Variants in ZRANB3 observed in about 807,000 individuals in gnomAD.
ZRANB3 encodes zinc finger RANBP2-type containing 3, also known as DNA annealing helicase and endonuclease ZRANB3.
A neutral mutation model predicts 133.8 loss-of-function variants in ZRANB3; 125 were observed. The ratio of observed to expected loss-of-function variants is 0.93; its 90% CI spans 0.81 to 1.08. The LOEUF is 1.08. ZRANB3 is among the 50% of genes least tolerant of loss of function. The pLI is 0.00. For synonymous variants in ZRANB3, 387 were observed against 432.7 expected, an observed-to-expected ratio of 0.89 and a Z score of 1.31; for missense variants, 1,229 against 1,275.5, an observed-to-expected ratio of 0.96 and a Z score of 0.56.
chr2:135,299,716 TC>T (rs1682338881), intron 8 of ZRANB3, among the ~76,000 whole-genome samples: 1 of 152,200 alleles, frequency 6.6e-6, no homozygotes, highest in Non-Finnish European at 1.5e-5. Context: ...ATATACTTTG[TC>T]CTCCTAAGAA....
At chr2:135,281,951 T>C (rs1681118660) in intron 8 of ZRANB3, among the ~76,000 whole-genome samples, 1 of 152,232 alleles carries the variant, frequency 6.6e-6, no homozygotes, top group Non-Finnish European at 1.5e-5. Context: ...ATAAATGGAA[T>C]CATATAATAT....
In ZRANB3 at chr2:135,233,485, C is replaced by T. The variant is rs1307179558; in HGVS notation, c.1540-2558G>A. Among the ~76,000 whole-genome samples the T allele has an allele frequency of 3.3e-5, 5 of 152,126 alleles. 1 individual carries two copies. The highest frequency in any genetic ancestry group is 4.1e-4 in the South Asian group (2 of 4,820). The stretch of plus-strand genomic sequence containing the variant: ...TCGAGAAGAGCAACTCCAAGACATA[C>T]AATCGTCAGATTCACCAAAGTTGAA... On this transcript the variant is annotated intron_variant, in intron 12 of 20. Coordinates refer to ENST00000264159, the MANE Select transcript of ZRANB3 (RefSeq NM_032143.4).
chr2:135,354,798 C>A (rs985172119), intron 3 of ZRANB3, among the ~76,000 whole-genome samples: 5 of 152,214 alleles, frequency 3.3e-5, no homozygotes, highest in Admixed American at 1.3e-4. Context: ...CATGAGGGAA[C>A]TTTTAGGAAT....
chr2:135,289,260 C>CT (rs1264570862), intron 8 of ZRANB3, among the ~76,000 whole-genome samples: 3 of 152,018 alleles, frequency 2.0e-5, no homozygotes, highest in South Asian at 2.1e-4. Context: ...TAGTTGATTT[C>CT]TTTTTTTGTT....
chr2:135,225,252 TAAA>T (rs1158470043), intron 14 of ZRANB3, among the ~76,000 whole-genome samples: 12 of 152,296 alleles, frequency 7.9e-5, no homozygotes, highest in Admixed American at 7.8e-4. Context: ...TAAGAGGATG[TAAA>T]ACCTGCAAGC....
chr2:135,306,374 G>A (rs1451017998), intron 8 of ZRANB3, among the ~76,000 whole-genome samples: 2 of 146,604 alleles, frequency 1.4e-5, no homozygotes, highest in Admixed American at 7.0e-5. Flanking sequence ...TGCAAGCTCC[G>A]CCTCCTGGGT....
intron 6 of ZRANB3, among the ~76,000 whole-genome samples, chr2:135,331,614 G>A (rs1328877946): frequency 6.6e-6 from 1 of 152,036 alleles, no homozygotes; most frequent in Non-Finnish European, 1.5e-5. Flanking sequence ...TTAATCTTCT[G>A]TGTCGCTGAT....
intron 1 of ZRANB3, among the ~76,000 whole-genome samples, chr2:135,506,027 T>C (rs182914359): frequency 8.9e-4 from 136 of 152,128 alleles, no homozygotes; most frequent in African/African-American, 3.2e-3. Flanking sequence ...AGAAGAGCAG[T>C]CCGAGGAAAG....
intron 8 of ZRANB3, among the ~76,000 whole-genome samples, chr2:135,296,165 CAG>C (rs1339079411): frequency 1.3e-5 from 2 of 152,204 alleles, no homozygotes; most frequent in Non-Finnish European, 2.9e-5. Flanking sequence ...TAATATCCTG[CAG>C]AGTGTTTTCC....
intron 2 of ZRANB3, among the ~76,000 whole-genome samples, chr2:135,403,931 C>T (rs1184577719): frequency 1.3e-5 from 2 of 152,124 alleles, no homozygotes; most frequent in Non-Finnish European, 2.9e-5. Flanking sequence ...GAAAGGACAT[C>T]CACAGCAAAA....
In ZRANB3 at chr2:135,483,562, C is replaced by A. The variant is rs995323633; in HGVS notation, c.161+20767G>T. 7.2e-5 allele frequency among the ~76,000 whole-genome samples: 11 copies of A among 152,040 alleles called. 1 individual carries two copies. Among genetic ancestry groups the A allele is most frequent in the African/African-American group, 2.2e-4 (9 of 41,400 alleles). On this transcript the variant is annotated intron_variant, in intron 2 of 20. Transcript: ENST00000264159. Reference sequence around the variant, plus strand: ...AATTTTGTTGATCCTTTCAAAAAACCAGCTCCTGGATTCATTAATTTTTTG... The same window carrying A: ...AATTTTGTTGATCCTTTCAAAAAACAAGCTCCTGGATTCATTAATTTTTTG...
intron 19 of ZRANB3, among the ~76,000 whole-genome samples, chr2:135,203,730 C>A (rs890214200): frequency 2.0e-5 from 3 of 151,760 alleles, no homozygotes; most frequent in Non-Finnish European, 4.4e-5. Context: ...ATGTCAATAG[C>A]TATTACCTAG....
chr2:135,219,839 C>T (rs764279212), intron 15 of ZRANB3, among the ~76,000 whole-genome samples: 10 of 152,082 alleles, frequency 6.6e-5, no homozygotes, highest in Non-Finnish European at 1.5e-4. Context: ...GCATTTAGGT[C>T]CCATCAATCG....
rs545185338 is a variant in ZRANB3, at chr2:135,375,167, C to T, written c.180+15635G>A. 7.2e-5 allele frequency among the ~76,000 whole-genome samples: 11 copies of T among 152,210 alleles called. No homozygotes were observed. In the South Asian group the frequency reaches 1.2e-3, roughly 17 times the overall value. On this transcript the variant is annotated intron_variant, in intron 3 of 20. Coordinates refer to ENST00000264159, the MANE Select transcript of ZRANB3 (RefSeq NM_032143.4). The stretch of plus-strand genomic sequence containing the variant: ...TCTGTTAAAAAAATATGGTCTTGGC[C>T]GGGTGCAGTGGCTCACGCTTGCCAC...
chr2:135,243,481 C>T (rs1284625951), intron 12 of ZRANB3, among the ~76,000 whole-genome samples: 1 of 152,076 alleles, frequency 6.6e-6, no homozygotes, highest in African/African-American at 2.4e-5. Context: ...CCAGCCTGGG[C>T]AAGAGAGTGA....
intron 20 of ZRANB3, among the ~76,000 whole-genome samples, chr2:135,202,132 CT>C (rs1693653782): frequency 6.6e-6 from 1 of 152,094 alleles, no homozygotes; most frequent in Non-Finnish European, 1.5e-5. Context: ...CAATAGAATA[CT>C]GTATTATGCA....
At chr2:135,245,526 A>G (rs1051438668) in intron 12 of ZRANB3, among the ~76,000 whole-genome samples, 3 of 151,968 alleles carry the variant, frequency 2.0e-5, no homozygotes, top group Non-Finnish European at 4.4e-5. Flanking sequence ...ATCTTGGCTC[A>G]ATGCAACCTC....
intron 2 of ZRANB3, among the ~76,000 whole-genome samples, chr2:135,432,137 C>T (rs933549434): frequency 1.3e-5 from 2 of 152,130 alleles, no homozygotes; most frequent in Non-Finnish European, 2.9e-5. Context: ...GTAATCCCAG[C>T]TACTCGGGAG....
intron 3 of ZRANB3, among the ~76,000 whole-genome samples, chr2:135,376,910 T>G (rs1686454557): frequency 6.6e-6 from 1 of 152,222 alleles, no homozygotes; most frequent in South Asian, 2.1e-4. Context: ...GTATATGTAT[T>G]ACAAATGTCT....
Sources: allele counts gnomAD v4.1 joint callset (sites outside exome capture counted in the v4.1 genomes callset), GRCh38; gene constraint gnomAD v4.1.1; transcripts MANE v1.5; gene names NCBI Gene and HGNC (gene_info 2026-07-23, HGNC 2026-07-21).